NCOA5: variants seen among roughly 807,000 people sequenced by gnomAD.
NCOA5 encodes NCoA-5.
In NCOA5, 12 loss-of-function variants were observed where a neutral mutation model predicts 59.0. The observed-to-expected ratio is 0.20, with a 90% CI of 0.13 to 0.33. NCOA5 has a LOEUF of 0.33. Ranked by LOEUF, NCOA5 falls within the 10% of genes least tolerant of loss-of-function variation. The probability of loss-of-function intolerance (pLI) is 1.00; values close to 1 mark genes in which losing one functional copy is unlikely to be tolerated. For missense variants in NCOA5, 655 were observed against 766.6 expected, an observed-to-expected ratio of 0.85 and a Z score of 1.72; for synonymous variants, 270 against 275.5, an observed-to-expected ratio of 0.98 and a Z score of 0.20.
intron 6 of NCOA5, among the ~76,000 whole-genome samples, chr20:46,064,210 G>A (rs1359292415): frequency 6.6e-6 from 1 of 152,196 alleles, no homozygotes; most frequent in Non-Finnish European, 1.5e-5. Context: ...GGTAGTGAGA[G>A]GACTCCTTAG....
intron 2 of NCOA5, among the ~76,000 whole-genome samples, chr20:46,075,200 A>G (rs888202080): frequency 1.3e-5 from 2 of 152,190 alleles, no homozygotes; most frequent in African/African-American, 4.8e-5. Context: ...ACAGACCCAA[A>G]TTTTACACAT....
intron 3 of NCOA5, 53 bp from the exon 4 acceptor site, chr20:46,068,691 A>C: frequency 6.4e-7 from 1 of 1,564,072 alleles, no homozygotes; most frequent in Non-Finnish European, 8.7e-7. Context: ...TATCCTGAAA[A>C]AGTCACCTAG....
At chr20:46,080,068 C>A (rs1182140649) in intron 1 of NCOA5, among the ~76,000 whole-genome samples, 1 of 152,012 alleles carries the variant, frequency 6.6e-6, no homozygotes, top group Non-Finnish European at 1.5e-5. Context: ...TTAACATCTA[C>A]AGATAACCAA....
chr20:46,067,205 C>G, intron 4 of NCOA5, 24 bp from the exon 5 acceptor site: 1 of 1,608,644 alleles, frequency 6.2e-7, no homozygotes, highest in African/African-American at 1.3e-5. Context: ...CCAGGGTAAA[C>G]TGAAATAAGG....
intron 6 of NCOA5, 88 bp from the exon 7 acceptor site, chr20:46,063,768 A>C: frequency 3.9e-6 from 5 of 1,279,330 alleles, no homozygotes; most frequent in Non-Finnish European, 5.4e-6. Flanking sequence ...TCCTAACCTC[A>C]TACCAGCAAG....
chr20:46,065,301 G>A, intron 5 of NCOA5, 73 bp from the exon 6 acceptor site: 2 of 1,456,364 alleles, frequency 1.4e-6, no homozygotes, highest in African/African-American at 1.4e-5. Context: ...CCAGTTGTGT[G>A]TGTTCCTACT....
At chr20:46,075,416 C>A (rs1331587874) in intron 2 of NCOA5, among the ~76,000 whole-genome samples, 1 of 152,060 alleles carries the variant, frequency 6.6e-6, no homozygotes, top group Non-Finnish European at 1.5e-5. Flanking sequence ...AGCATTAGGG[C>A]CCTGTGGATA....
intron 1 of NCOA5, among the ~76,000 whole-genome samples, chr20:46,081,565 G>T (rs1163208391): frequency 6.6e-6 from 1 of 152,094 alleles, no homozygotes; most frequent in Non-Finnish European, 1.5e-5. Context: ...TTGCCTCGTA[G>T]TATCTATTTT....
chr20:46,064,768 C>G (rs980330069), intron 6 of NCOA5, among the ~76,000 whole-genome samples: 2 of 152,176 alleles, frequency 1.3e-5, no homozygotes, highest in East Asian at 1.9e-4. Flanking sequence ...GCCCTCCCCC[C>G]ACACTGGAAC....
Position 46,079,472 on chromosome 20 carries a change from C to T in NCOA5, c.-29-19G>A. 1 of 1,583,762 alleles carries T rather than the reference C, an allele frequency of 6.3e-7. No homozygotes were observed. The highest frequency in any genetic ancestry group is 8.7e-7 in the Non-Finnish European group (1 of 1,152,974). On this transcript the variant is annotated intron_variant, in intron 1 of 7. Coordinates refer to ENST00000290231, the MANE Select transcript of NCOA5 (RefSeq NM_020967.3). ...TTAATATCTGAAAAGAATAATCAACCCATCTGTTCAATGCTACGGAATAAA... is the reference window on the plus strand; with the variant it reads ...TTAATATCTGAAAAGAATAATCAACTCATCTGTTCAATGCTACGGAATAAA...
intron 5 of NCOA5, 71 bp from the exon 6 acceptor site, chr20:46,065,299 G>T: frequency 6.7e-7 from 1 of 1,481,732 alleles, no homozygotes; most frequent in Non-Finnish European, 9.4e-7. Flanking sequence ...AGCCAGTTGT[G>T]TGTGTTCCTA....
At chr20:46,088,143 TACAA>T (rs1478347629) in intron 1 of NCOA5, among the ~76,000 whole-genome samples, 1 of 152,200 alleles carries the variant, frequency 6.6e-6, no homozygotes, top group Non-Finnish European at 1.5e-5. Flanking sequence ...ACTATTAACT[TACAA>T]GTAAGTTAAT....
chr20:46,072,940 C>T (rs903134565), intron 2 of NCOA5, among the ~76,000 whole-genome samples: 7 of 152,154 alleles, frequency 4.6e-5, no homozygotes, highest in African/African-American at 9.7e-5. Flanking sequence ...GTCTGTTATA[C>T]GACAGATGCT....
At chr20:46,071,520 T>C (rs2084882850) in intron 2 of NCOA5, among the ~76,000 whole-genome samples, 1 of 152,120 alleles carries the variant, frequency 6.6e-6, no homozygotes, top group Admixed American at 6.5e-5. Flanking sequence ...AAACACAAAA[T>C]TAAAAATCAA....
intron 1 of NCOA5, among the ~76,000 whole-genome samples, chr20:46,079,931 T>C (rs2084974542): frequency 6.6e-6 from 1 of 152,224 alleles, no homozygotes; most frequent in Non-Finnish European, 1.5e-5. Context: ...AAACTTCCAA[T>C]ATCCCATGAA....
intron 4 of NCOA5, among the ~76,000 whole-genome samples, chr20:46,068,180 G>A (rs982368327): frequency 6.6e-6 from 1 of 152,006 alleles, no homozygotes. Flanking sequence ...GTGATCTGCC[G>A]GCCTTGGCCT....
At chr20:46,080,491 C>T (rs77474953) in intron 1 of NCOA5, among the ~76,000 whole-genome samples, 4 of 152,066 alleles carry the variant, frequency 2.6e-5, no homozygotes, top group Admixed American at 6.5e-5. Flanking sequence ...TAAGTACTCA[C>T]ATAATTCGAG....
chr20:46,066,942 G>A (rs775173927), intron 5 of NCOA5, 113 bp downstream of exon 5: 267 of 1,208,412 alleles, frequency 2.2e-4, no homozygotes, highest in Non-Finnish European at 2.8e-4. Context: ...GGCTAACAGC[G>A]CACAGCAATG....
chr20:46,073,315 T>C (rs2084904358), intron 2 of NCOA5, among the ~76,000 whole-genome samples: 1 of 152,216 alleles, frequency 6.6e-6, no homozygotes. Context: ...TTGTTATATA[T>C]TCTAAGGTTC....
Sources: gnomAD v4.1 joint callset for allele counts (sites outside exome capture counted in the v4.1 genomes callset) on GRCh38, gnomAD v4.1.1 for gene constraint, MANE v1.5 for transcripts, NCBI Gene and HGNC (gene_info 2026-07-23, HGNC 2026-07-21) for gene names.